ZNF521: variants seen among roughly 807,000 people sequenced by gnomAD.
ZNF521 encodes LYST-interacting protein 3.
Under a neutral mutation model 105.5 loss-of-function variants are expected in ZNF521, and 14 were observed. That is an observed-to-expected ratio of 0.13 (90% CI 0.09 to 0.21). The LOEUF (loss-of-function observed/expected upper bound fraction) is 0.21, where lower values mean the gene tolerates loss of function less well. ZNF521 is among the 10% of genes least tolerant of loss of function. The probability of loss-of-function intolerance (pLI) is 1.00; values close to 1 mark genes in which losing one functional copy is unlikely to be tolerated. For missense variants in ZNF521, 1,233 were observed against 1,629.7 expected, an observed-to-expected ratio of 0.76 and a Z score of 4.19; for synonymous variants, 635 against 606.0, an observed-to-expected ratio of 1.05 and a Z score of -0.70.
chr18:25,269,918 G>A (rs1909532342), intron 3 of ZNF521, among the ~76,000 whole-genome samples: 2 of 152,074 alleles, frequency 1.3e-5, no homozygotes, highest in African/African-American at 4.8e-5. Flanking sequence ...AAAGCTAGCA[G>A]AAGACAAGAA....
intron 7 of ZNF521, among the ~76,000 whole-genome samples, chr18:25,066,340 C>T (rs1446053541): frequency 6.6e-6 from 1 of 152,194 alleles, no homozygotes; most frequent in Non-Finnish European, 1.5e-5. Context: ...GCCTTTGCCA[C>T]CTTTGAGGAT....
chr18:25,187,787 C>A (rs562896853), intron 5 of ZNF521, among the ~76,000 whole-genome samples: 3 of 152,010 alleles, frequency 2.0e-5, no homozygotes, highest in South Asian at 2.1e-4. Context: ...CAGAAGACAG[C>A]GAAGTAATGG....
chr18:25,272,865 C>T (rs1430757104), intron 3 of ZNF521, among the ~76,000 whole-genome samples: 2 of 151,912 alleles, frequency 1.3e-5, no homozygotes, highest in Admixed American at 6.6e-5. Context: ...ACCTATGTAA[C>T]AAACCTGCAC....
chr18:25,156,970 G>T (rs774147312), intron 5 of ZNF521, among the ~76,000 whole-genome samples: 5 of 152,030 alleles, frequency 3.3e-5, no homozygotes, highest in African/African-American at 1.2e-4. Flanking sequence ...AGGCCGAGGC[G>T]GGCAGATCAC....
rs1465636246 is a variant in ZNF521 at position 25,321,570 on chromosome 18, C to G, written c.220+438G>C. Among the ~76,000 whole-genome samples, 3 of 152,242 alleles carry G rather than the reference C, an allele frequency of 2.0e-5. No individual in the cohort carries two copies. In the East Asian group the frequency reaches 5.8e-4, roughly 29 times the overall value. On this transcript the variant is annotated intron_variant, in intron 3 of 7. Coordinates refer to ENST00000361524, the MANE Select transcript of ZNF521 (RefSeq NM_015461.3). ...GTGGTGCTCAAGGATAAGTATTGAACTTTATGGGAACACAAAAAAATGTGG... is the reference window on the plus strand; with the variant it reads ...GTGGTGCTCAAGGATAAGTATTGAAGTTTATGGGAACACAAAAAAATGTGG...
In ZNF521 at chr18:25,224,257, A is replaced by C. The variant is rs1905935777; in HGVS notation, c.3573+88T>G. 3.3e-5 allele frequency: 41 copies of C among 1,240,466 alleles called. 1 individual carries two copies. The South Asian group carries it at 6.0e-4, about 18-fold the overall frequency. 76.8% of individuals were successfully genotyped at this position (1,240,466 alleles called of 1,614,324 possible). ...ATCTAAGCATCTTTTGGCCCATGAC[A>C]ATAAATAAAGCTGTGGAGAGTGTAA... On this transcript the variant is annotated intron_variant, in intron 4 of 7. Transcript: ENST00000361524.
At chr18:25,200,409 T>C (rs541723555) in intron 4 of ZNF521, among the ~76,000 whole-genome samples, 2 of 152,086 alleles carry the variant, frequency 1.3e-5, no homozygotes, top group South Asian at 2.1e-4. Flanking sequence ...CTTTTTTTTT[T>C]TGGCCATGTT....
Position 25,137,616 on chromosome 18 carries a change from G to A in ZNF521, c.3659-45535C>T, listed in dbSNP as rs114869407. On this transcript the variant is annotated intron_variant, in intron 5 of 7. Coordinates refer to ENST00000361524, the MANE Select transcript of ZNF521 (RefSeq NM_015461.3). Reference sequence around the variant, plus strand: ...AAAATGTCAGCAGGAAATCAAGTCCGTCTTCTTCATTTTTCCTGTCCAGAT... The same window carrying A: ...AAAATGTCAGCAGGAAATCAAGTCCATCTTCTTCATTTTTCCTGTCCAGAT... Among the ~76,000 whole-genome samples the A allele has an allele frequency of 6.8e-3, 1,031 of 152,238 alleles. 15 individuals are homozygous for A. Among genetic ancestry groups the A allele is most frequent in the African/African-American group, 0.024 (985 of 41,562 alleles).
At chr18:25,150,374 C>G (rs1243118894) in intron 5 of ZNF521, among the ~76,000 whole-genome samples, 1 of 152,112 alleles carries the variant, frequency 6.6e-6, no homozygotes, top group East Asian at 1.9e-4. Context: ...CCACATATCA[C>G]CCCTAAAGAA....
chr18:25,259,851 A>G (rs1191461654), intron 3 of ZNF521, among the ~76,000 whole-genome samples: 1 of 152,160 alleles, frequency 6.6e-6, no homozygotes, highest in Non-Finnish European at 1.5e-5. Flanking sequence ...CCTTAAACTA[A>G]AAGGAAGAAG....
intron 3 of ZNF521, among the ~76,000 whole-genome samples, chr18:25,267,259 A>T (rs1330772290): frequency 1.3e-5 from 2 of 152,194 alleles, no homozygotes; most frequent in Non-Finnish European, 2.9e-5. Context: ...ATCTCTGAAA[A>T]AAAGTCAGCA....
At chr18:25,322,224 G>A in intron 2 of ZNF521, 37 bp from the exon 3 acceptor site, 1 of 1,597,792 alleles carries the variant, frequency 6.3e-7, no homozygotes, top group Non-Finnish European at 8.6e-7. Flanking sequence ...GGGGTTTAAA[G>A]ACAGGTTCTT....
In ZNF521 at chr18:25,226,938, C is replaced by T; in HGVS notation, c.980G>A (p.Ser327Asn). The T allele has an allele frequency of 6.2e-7, 1 of 1,613,952 alleles. No individual in the cohort carries two copies. Among genetic ancestry groups the T allele is most frequent in the Non-Finnish European group, 8.5e-7 (1 of 1,180,000 alleles). The change falls in exon 4 of 8, where the codon AGC (serine) becomes AAC (asparagine). Residue 327 changes from serine to asparagine, a missense_variant. Physicochemically the swap from Ser to Asn is conservative, Grantham distance 46. This residue lies in a region of ZNF521 where 380 missense variants were observed against 478.0 expected (regional missense o/e 0.80). Coordinates refer to ENST00000361524, the MANE Select transcript of ZNF521 (RefSeq NM_015461.3). This position sits in a 1 kb window ranked among gnomAD's most constrained non-coding sequence, Gnocchi z 4.1. ...ESFHTVEELY[S>N]HMDSHQQPES... is the part of the protein sequence containing the mutation. ...CGGTTGCTGGTGACTGTCCATGTGGCTGTACAGTTCCTCAACTGTGTGGAA... is the reference window on the plus strand; with the variant it reads ...CGGTTGCTGGTGACTGTCCATGTGGTTGTACAGTTCCTCAACTGTGTGGAA...
intron 3 of ZNF521, among the ~76,000 whole-genome samples, chr18:25,293,385 C>A (rs1568060791): frequency 6.6e-6 from 1 of 151,096 alleles, no homozygotes. Flanking sequence ...CACACACACA[C>A]AAATTCCTTA....
chr18:25,167,772 C>G (rs2035372393), intron 5 of ZNF521, among the ~76,000 whole-genome samples: 1 of 152,102 alleles, frequency 6.6e-6, no homozygotes, highest in Non-Finnish European at 1.5e-5. Context: ...ATCTGTCAAA[C>G]TGGGGTGTCT....
rs183922724 is a variant in ZNF521 at position 25,095,806 on chromosome 18, G to C, written c.3659-3725C>G. 2.1e-4 allele frequency among the ~76,000 whole-genome samples: 32 copies of C among 152,270 alleles called. 2 individuals are homozygous for C. Among genetic ancestry groups the C allele is most frequent in the Admixed American group, 2.0e-3 (30 of 15,292 alleles). ...AAACAAAAATTAGCACAAGGAAAGG[G>C]AGAAAGAACTATCAGAATGCAATTT... On this transcript the variant is annotated intron_variant, in intron 5 of 7. Coordinates refer to ENST00000361524, the MANE Select transcript of ZNF521 (RefSeq NM_015461.3).
chr18:25,290,011 A>G (rs1009316294), intron 3 of ZNF521, among the ~76,000 whole-genome samples: 4 of 152,238 alleles, frequency 2.6e-5, no homozygotes, highest in Admixed American at 2.6e-4. Context: ...AGTGCAAAAA[A>G]AAGACAAAAA....
chr18:25,320,450 T>C (rs1046416640), intron 3 of ZNF521, among the ~76,000 whole-genome samples: 7 of 152,222 alleles, frequency 4.6e-5, no homozygotes, highest in South Asian at 2.1e-4. Flanking sequence ...GGATTACAGG[T>C]GTGAGCCACC....
rs112233676 is a variant in ZNF521, at chr18:25,283,448, T to C, written c.220+38560A>G. Among the ~76,000 whole-genome samples the C allele has an allele frequency of 3.7e-3, 565 of 152,332 alleles. 3 individuals carry two copies. The highest frequency in any genetic ancestry group is 6.5e-3 in the Non-Finnish European group (439 of 68,034). On this transcript the variant is annotated intron_variant, in intron 3 of 7. Transcript: ENST00000361524. ...ATTAAAAGCTGAGGTCGGTCTCCAATTACTGGACCACAATAAATATGTCTA... is the reference window on the plus strand; with the variant it reads ...ATTAAAAGCTGAGGTCGGTCTCCAACTACTGGACCACAATAAATATGTCTA...
Sources: allele counts gnomAD v4.1 joint callset (sites outside exome capture counted in the v4.1 genomes callset), GRCh38; gene constraint gnomAD v4.1.1; regional missense constraint gnomAD v4.1.1; non-coding constraint Gnocchi (gnomAD v3.1); transcripts MANE v1.5; gene names NCBI Gene and HGNC (gene_info 2026-07-23, HGNC 2026-07-21).